Variants in FOXP2 observed in about 807,000 individuals in gnomAD.
FOXP2 encodes the protein forkhead box P2, also known as forkhead box protein P2.
Under a neutral mutation model 115.8 loss-of-function variants are expected in FOXP2, and 12 were observed. That is an observed-to-expected ratio of 0.10 (90% confidence interval 0.07 to 0.17). FOXP2 has a LOEUF of 0.17. Among genes scored for constraint, FOXP2 ranks in the 10% least tolerant of loss-of-function variants. The pLI, the probability that FOXP2 is intolerant of heterozygous loss-of-function variation, is 1.00. For missense variants in FOXP2, 629 were observed against 843.5 expected (o/e 0.75, Z 3.15); for synonymous variants, 328 against 297.7 (o/e 1.10, Z -1.05).
intron 1 of FOXP2, among the ~76,000 whole-genome samples, chr7:114,184,751 A>G (rs772093296): frequency 1.3e-5 from 2 of 152,212 alleles, no homozygotes; most frequent in Non-Finnish European, 2.9e-5. Context: ...AGCAAAAATC[A>G]GTTCCCATGC....
At chr7:114,190,112 TTCTA>T (rs1272068278) in intron 1 of FOXP2, among the ~76,000 whole-genome samples, 1 of 152,182 alleles carries the variant, frequency 6.6e-6, no homozygotes, top group Non-Finnish European at 1.5e-5. Flanking sequence ...ATGCTACTCT[TTCTA>T]TCTTTCTCAC....
intron 1 of FOXP2, among the ~76,000 whole-genome samples, chr7:114,119,782 A>C (rs1791508968): frequency 6.6e-6 from 1 of 152,130 alleles, no homozygotes; most frequent in Non-Finnish European, 1.5e-5. Context: ...CAGTTGGTAA[A>C]TTATAGACCC....
chr7:114,138,097 A>C (rs1792091540), intron 1 of FOXP2, among the ~76,000 whole-genome samples: 1 of 152,204 alleles, frequency 6.6e-6, no homozygotes. Context: ...TAAATACATA[A>C]ATAAATAAGA....
chr7:114,547,567 A>G (rs753483181), intron 3 of FOXP2, among the ~76,000 whole-genome samples: 8 of 152,086 alleles, frequency 5.3e-5, no homozygotes, highest in Non-Finnish European at 1.0e-4. Context: ...ACCATCCTGA[A>G]TAACACGGTG....
chr7:114,414,198 C>T (rs1241561051), upstream of FOXP2: 1 of 152,072 alleles, frequency 6.6e-6, no homozygotes, highest in Non-Finnish European at 1.5e-5. Context: ...CCACACAAAC[C>T]CTGCTAGGCT....
intron 3 of FOXP2, among the ~76,000 whole-genome samples, chr7:114,607,707 T>A (rs915710583): frequency 6.6e-6 from 1 of 152,152 alleles, no homozygotes; most frequent in African/African-American, 2.4e-5. Context: ...AGTTCAAACC[T>A]AAACATAGTG....
upstream of FOXP2, among the ~76,000 whole-genome samples, chr7:114,161,646 G>T (rs1792836069): frequency 6.7e-6 from 1 of 150,270 alleles, no homozygotes; most frequent in Non-Finnish European, 1.5e-5. Context: ...ATGTGTGTGT[G>T]TGTGCGTGTA....
chr7:114,371,482 A>G (rs1792006050), intron 2 of FOXP2, among the ~76,000 whole-genome samples: 1 of 152,118 alleles, frequency 6.6e-6, no homozygotes, highest in South Asian at 2.1e-4. Context: ...TAAATAAAAA[A>G]TCTTTTAAAA....
intron 1 of FOXP2, among the ~76,000 whole-genome samples, chr7:114,110,303 T>G (rs971619368): frequency 6.6e-6 from 1 of 152,158 alleles, no homozygotes; most frequent in South Asian, 2.1e-4. Context: ...TGAATTGAAC[T>G]TGAATTGGTA....
intron 3 of FOXP2, among the ~76,000 whole-genome samples, chr7:114,581,178 T>A (rs1563013627): frequency 6.6e-6 from 1 of 150,530 alleles, no homozygotes; most frequent in Non-Finnish European, 1.5e-5. Flanking sequence ...TATTTATTTA[T>A]TTATTTATTT....
chr7:114,105,591 A>G (rs906725840), intron 1 of FOXP2, among the ~76,000 whole-genome samples: 3 of 151,976 alleles, frequency 2.0e-5, no homozygotes, highest in African/African-American at 7.2e-5. Flanking sequence ...CTCATTTTCC[A>G]CAGAGAATTT....
At chr7:114,286,391 G>C (rs1163062932) in intron 1 of FOXP2, among the ~76,000 whole-genome samples, 1 of 151,948 alleles carries the variant, frequency 6.6e-6, no homozygotes, top group Non-Finnish European at 1.5e-5. Flanking sequence ...AAATGAGTTT[G>C]TGGATTTTCT....
chr7:114,378,486 C>T (rs1348607201), intron 2 of FOXP2, among the ~76,000 whole-genome samples: 1 of 151,576 alleles, frequency 6.6e-6, no homozygotes, highest in Admixed American at 6.6e-5. Context: ...GAGTTTGAAA[C>T]CAGTCTGGGC....
intron 1 of FOXP2, among the ~76,000 whole-genome samples, chr7:114,151,383 G>A (rs567710183): frequency 1.5e-4 from 23 of 152,022 alleles, no homozygotes; most frequent in Admixed American, 3.9e-4. Context: ...TATGATTTTC[G>A]TAAAAATAAA....
At position 114,111,709 on chromosome 7, in the gene FOXP2, A is replaced by T. The variant is rs879483764; in HGVS notation, c.-247+23871A>T. Among the ~76,000 whole-genome samples, 21 of 152,146 alleles carry T rather than the reference A, an allele frequency of 1.4e-4. 1 individual carries two copies. The highest frequency in any genetic ancestry group is 6.2e-4 in the South Asian group (3 of 4,822). On this transcript the variant is annotated intron_variant, in intron 1 of 19. Transcript: ENST00000635638. ...ATTGTCATTGTGTAAAACAGGATTT[A>T]AAAAAATATATCCTGGTTGGAGGAA... is the stretch of plus-strand genomic sequence containing the variant.
chr7:114,401,995 G>A (rs978267839), intron 2 of FOXP2, among the ~76,000 whole-genome samples: 1 of 152,122 alleles, frequency 6.6e-6, no homozygotes, highest in African/African-American at 2.4e-5. Flanking sequence ...GGTGGCACAT[G>A]CCTGCAATCC....
intron 2 of FOXP2, among the ~76,000 whole-genome samples, chr7:114,500,885 C>G (rs1403576305): frequency 2.0e-5 from 3 of 152,120 alleles, no homozygotes; most frequent in African/African-American, 7.2e-5. Flanking sequence ...TTAATTGTGC[C>G]TATCTGTTCT....
intron 2 of FOXP2, among the ~76,000 whole-genome samples, chr7:114,395,822 T>C (rs774507812): frequency 2.8e-4 from 43 of 151,994 alleles, no homozygotes; most frequent in Non-Finnish European, 5.0e-4. Flanking sequence ...TTTTTATGAC[T>C]GAATGGTAAT....
intron 2 of FOXP2, among the ~76,000 whole-genome samples, chr7:114,314,149 A>G (rs1229293476): frequency 1.3e-5 from 2 of 151,722 alleles, no homozygotes; most frequent in East Asian, 3.9e-4. Flanking sequence ...TGCTAATTAC[A>G]TTTTTTTCTT....
Sources: gnomAD v4.1 joint callset for allele counts (sites outside exome capture counted in the v4.1 genomes callset) on GRCh38, gnomAD v4.1.1 for gene constraint, MANE v1.5 for transcripts, NCBI Gene and HGNC (gene_info 2026-07-23, HGNC 2026-07-21) for gene names.